Variants in DDX10 observed in about 807,000 individuals in gnomAD.
DDX10 encodes the protein DEAD-box helicase 10.
Under a neutral mutation model 104.3 loss-of-function variants are expected in DDX10, and 74 were observed. The ratio of observed to expected loss-of-function variants is 0.71; its 90% confidence interval spans 0.59 to 0.86. The LOEUF is 0.86. Ranked by LOEUF, DDX10 falls within the 40% of genes least tolerant of loss-of-function variation. DDX10 has a pLI of 0.00. For missense variants in DDX10, 952 were observed against 1,040.0 expected, an observed-to-expected ratio of 0.92 and a Z score of 1.16; for synonymous variants, 351 against 353.4, an observed-to-expected ratio of 0.99 and a Z score of 0.08.
chr11:108,695,616 T>TTTTTTG lies in DDX10; in HGVS notation c.1223+2028_1223+2033dup, dbSNP rs1291375135. Among the ~76,000 whole-genome samples, 22 of 152,244 alleles carry TTTTTTG rather than the reference T, an allele frequency of 1.4e-4. No homozygotes were observed. In the East Asian group the frequency reaches 4.2e-3, roughly 29 times the overall value. ...TTTTTTGGGTAGCTTTGAAGAAAAT[T>TTTTTTG]TTTTTGTTTTTGTTTTTATGTGGTC... On this transcript the variant is annotated intron_variant, in intron 9 of 17. Transcript: ENST00000322536.
At position 108,665,352 on chromosome 11, in the gene DDX10, C is replaced by CT. The variant is rs1357347493; in HGVS notation, c.186+14dup. ...GAACTATGAAAAGGTGAGGCCGGCG[C>CT]TGGGGAGGGGGCTCGGGCCGGCCAG... On this transcript the variant is annotated intron_variant, in intron 1 of 17. Coordinates refer to ENST00000322536, the MANE Select transcript of DDX10 (RefSeq NM_004398.4). The CT allele has an allele frequency of 6.4e-7, 1 of 1,558,550 alleles. No homozygotes were observed. The highest frequency in any genetic ancestry group is 1.4e-5 in the African/African-American group (1 of 72,152).
At chr11:108,798,304 A>C (rs1321358045) in intron 13 of DDX10, among the ~76,000 whole-genome samples, 1 of 152,230 alleles carries the variant, frequency 6.6e-6, no homozygotes, top group Non-Finnish European at 1.5e-5. Flanking sequence ...AAACACATGT[A>C]ATATAAAATT....
At chr11:108,675,102 G>A (rs867281445) in intron 2 of DDX10, among the ~76,000 whole-genome samples, 1 of 151,652 alleles carries the variant, frequency 6.6e-6, no homozygotes, top group African/African-American at 2.4e-5. Context: ...GTGTGTGTGT[G>A]TGTGTGTGTG....
At position 108,939,687 on chromosome 11, in the gene DDX10, T is replaced by G. The variant is rs551608003; in HGVS notation, c.2451-559T>G. Among the ~76,000 whole-genome samples, 3 of 152,312 alleles carry G rather than the reference T, an allele frequency of 2.0e-5. No homozygotes were observed. The East Asian group carries it at 5.8e-4, about 29-fold the overall frequency. On this transcript the variant is annotated intron_variant, in intron 17 of 17. Coordinates refer to ENST00000322536, the MANE Select transcript of DDX10 (RefSeq NM_004398.4). The stretch of plus-strand genomic sequence containing the variant: ...TATGTACTTAATACTGCAATAATGT[T>G]TGCTTTCTTAAGGCTATCTGTATCT...
chr11:108,839,628 G>T (rs569636488), intron 14 of DDX10, among the ~76,000 whole-genome samples: 1 of 152,302 alleles, frequency 6.6e-6, no homozygotes, highest in African/African-American at 2.4e-5. Context: ...CTCCAGTGGA[G>T]TATGATTCCT....
At chr11:108,867,386 A>G (rs563547751) in intron 16 of DDX10, among the ~76,000 whole-genome samples, 2 of 152,334 alleles carry the variant, frequency 1.3e-5, no homozygotes, top group African/African-American at 4.8e-5. Context: ...AGAGTAAGCC[A>G]GAGCTTCATT....
At chr11:108,858,705 G>T (rs370699860) in intron 16 of DDX10, among the ~76,000 whole-genome samples, 1 of 152,172 alleles carries the variant, frequency 6.6e-6, no homozygotes, top group East Asian at 1.9e-4. Context: ...TATTTGCGAA[G>T]AATTTAATAA....
At chr11:108,872,818 G>A (rs1057489659) in intron 16 of DDX10, among the ~76,000 whole-genome samples, 12 of 144,978 alleles carry the variant, frequency 8.3e-5, no homozygotes, top group Non-Finnish European at 1.4e-4. Context: ...GCTAATTTCC[G>A]TTCCCCCCCC....
intron 16 of DDX10, among the ~76,000 whole-genome samples, chr11:108,884,968 A>G (rs1175718548): frequency 3.3e-5 from 5 of 152,190 alleles, no homozygotes; most frequent in Admixed American, 3.3e-4. Flanking sequence ...TGGTCTTTCC[A>G]TCATGATTTT....
chr11:108,786,731 TTGTGTCATTACA>T (rs1861799870), intron 13 of DDX10, among the ~76,000 whole-genome samples: 1 of 152,206 alleles, frequency 6.6e-6, no homozygotes, highest in Non-Finnish European at 1.5e-5. Flanking sequence ...TTCAGCCTGT[TTGTGTCATTACA>T]TGTGAGATCC....
chr11:108,939,310 A>T (rs1444556613), intron 17 of DDX10, among the ~76,000 whole-genome samples: 1 of 152,152 alleles, frequency 6.6e-6, no homozygotes, highest in Admixed American at 6.5e-5. Context: ...CTGAGTTTGA[A>T]TCCCATGGGT....
chr11:108,699,322 G>A (rs1331131439), intron 9 of DDX10, among the ~76,000 whole-genome samples: 1 of 152,128 alleles, frequency 6.6e-6, no homozygotes, highest in Non-Finnish European at 1.5e-5. Context: ...TAGCTTCTGT[G>A]GGTCAGGTAC....
chr11:108,721,529 C>T (rs2094298363), intron 12 of DDX10, among the ~76,000 whole-genome samples: 1 of 152,086 alleles, frequency 6.6e-6, no homozygotes, highest in African/African-American at 2.4e-5. Context: ...GCAATAGATT[C>T]CAGTAAATTT....
chr11:108,683,733 C>A (rs2094238726), intron 6 of DDX10, among the ~76,000 whole-genome samples: 1 of 152,154 alleles, frequency 6.6e-6, no homozygotes, highest in African/African-American at 2.4e-5. Flanking sequence ...AGTTTAAATA[C>A]TTTCATATCA....
chr11:108,684,173 TTTC>T (rs1402603639), intron 6 of DDX10, among the ~76,000 whole-genome samples: 1 of 31,836 alleles, frequency 3.1e-5, no homozygotes, highest in Non-Finnish European at 5.7e-5. Flanking sequence ...GGTTATAGAT[TTTC>T]TTTTTTTTTT....
rs200270219 is a variant in DDX10 at position 108,748,888 on chromosome 11, ACTTTT to A, written c.1965+25432_1965+25436del. On this transcript the variant is annotated intron_variant, in intron 13 of 17. Coordinates refer to ENST00000322536, the MANE Select transcript of DDX10 (RefSeq NM_004398.4). ...TAATTTACTATTTTTAAATTTTAAA[ACTTTT>A]CTTTTTTTTAATCCTCCTGCCTTGG... Among the ~76,000 whole-genome samples, 456 of 151,882 alleles carry A rather than the reference ACTTTT, an allele frequency of 3.0e-3. 6 individuals are homozygous for A. The highest frequency in any genetic ancestry group is 0.01 in the African/African-American group (425 of 41,428).
intron 17 of DDX10, among the ~76,000 whole-genome samples, 182 bp from the exon 18 acceptor site, chr11:108,940,064 C>T (rs1054739514): frequency 6.6e-6 from 1 of 152,098 alleles, no homozygotes; most frequent in Non-Finnish European, 1.5e-5. Context: ...GTGCCTGGTG[C>T]GTGGTAGGAC....
chr11:108,809,524 A>G lies in DDX10; in HGVS notation c.1966-28922A>G, dbSNP rs529197820. ...GAAAGAGAAGGGAAGGAACAAAATT[A>G]AAGGATAGGAGTGAATACCAATAAA... On this transcript the variant is annotated intron_variant, in intron 13 of 17. Coordinates refer to ENST00000322536, the MANE Select transcript of DDX10 (RefSeq NM_004398.4). 2.0e-5 allele frequency among the ~76,000 whole-genome samples: 3 copies of G among 152,334 alleles called. No individual in the cohort carries two copies. In the East Asian group the frequency reaches 5.8e-4, roughly 29 times the overall value.
At chr11:108,838,362 GAGA>G in intron 13 of DDX10, 81 bp from the exon 14 acceptor site, 1 of 1,424,060 alleles carries the variant, frequency 7.0e-7, no homozygotes, top group Non-Finnish European at 9.5e-7. Context: ...ACCCAGTTTT[GAGA>G]AGTATATTGC....
Sources: allele counts gnomAD v4.1 joint callset (sites outside exome capture counted in the v4.1 genomes callset), GRCh38; gene constraint gnomAD v4.1.1; transcripts MANE v1.5; gene names NCBI Gene and HGNC (gene_info 2026-07-23, HGNC 2026-07-21).